Variants in PC observed in about 807,000 individuals in gnomAD.
PC encodes pyruvate carboxylase, mitochondrial.
PC carries 46 observed loss-of-function variants against 107.8 expected under a neutral mutation model. The observed-to-expected ratio is 0.43, with a 90% CI of 0.34 to 0.55. PC has a LOEUF of 0.55. Among genes scored for constraint, PC ranks in the 20% least tolerant of loss-of-function variants. The pLI is 0.04. For missense variants in PC, 1,241 were observed against 1,643.1 expected (o/e 0.76, Z 4.23); for synonymous variants, 662 against 684.7 (o/e 0.97, Z 0.52).
chr11:66,949,895 G>A (rs879616789), intron 3 of PC, among the ~76,000 whole-genome samples: 6 of 152,056 alleles, frequency 3.9e-5, no homozygotes, highest in Non-Finnish European at 7.3e-5. Context: ...TCCAGGGGTA[G>A]GAGTGGGTGT....
At chr11:66,922,553 TAA>T (rs1198835228) in intron 3 of PC, among the ~76,000 whole-genome samples, 16 of 84,362 alleles carry the variant, frequency 1.9e-4, no homozygotes, top group African/African-American at 2.7e-4. Flanking sequence ...GACTTTGTCT[TAA>T]AAAAAAAAAA....
At chr11:66,898,987 C>T (rs2136036329) in intron 3 of PC, among the ~76,000 whole-genome samples, 1 of 152,282 alleles carries the variant, frequency 6.6e-6, no homozygotes, top group African/African-American at 2.4e-5. Context: ...TCTCCTGCCT[C>T]AGCCTCCTGA....
intron 3 of PC, among the ~76,000 whole-genome samples, chr11:66,949,879 T>C (rs74444290): frequency 0.038 from 5,807 of 152,066 alleles, 355 homozygotes; most frequent in African/African-American, 0.13. Context: ...TTGCATTACA[T>C]AAAAATCCAG....
At position 66,893,872 on chromosome 11, in the gene PC, T is replaced by C. The variant is rs1348414723; in HGVS notation, c.1-21713A>G. 3.6e-5 allele frequency among the ~76,000 whole-genome samples: 5 copies of C among 138,050 alleles called. No individual in the cohort carries two copies. The Admixed American group carries it at 4.0e-4, about 11-fold the overall frequency. 90.6% of individuals were successfully genotyped at this position (138,050 alleles called of 152,430 possible). A position where few individuals can be genotyped will look rare whatever the true frequency, so the allele number is the denominator to read the frequency against. On this transcript the variant is annotated intron_variant, in intron 3 of 22. Transcript: ENST00000393960. The stretch of plus-strand genomic sequence containing the variant: ...TCCTCCTTCCTTCCTCACCACCCTC[T>C]CCCTGGTCACCAAGGGTTAAGCTTA...
chr11:66,929,150 C>A (rs182844122), intron 3 of PC, among the ~76,000 whole-genome samples: 1 of 152,078 alleles, frequency 6.6e-6, no homozygotes, highest in South Asian at 2.1e-4. Context: ...CATAAAGTAG[C>A]CTTCTGGGAC....
At chr11:66,943,984 A>G (rs1949224420) in intron 3 of PC, among the ~76,000 whole-genome samples, 1 of 148,750 alleles carries the variant, frequency 6.7e-6, no homozygotes, top group Non-Finnish European at 1.5e-5. Flanking sequence ...AAAAAAAAAA[A>G]AAGAAAAGAA....
intron 13 of PC, 121 bp downstream of exon 13, chr11:66,853,118 G>A: frequency 8.9e-7 from 1 of 1,126,688 alleles, no homozygotes; most frequent in South Asian, 1.5e-5. Context: ...AATGAGGGCA[G>A]GGGTGAGGGG....
intron 3 of PC, among the ~76,000 whole-genome samples, chr11:66,928,800 C>T (rs546401527): frequency 9.2e-5 from 14 of 152,214 alleles, no homozygotes; most frequent in African/African-American, 3.4e-4. Flanking sequence ...GCTGGGATTA[C>T]AAGCATGAGC....
intron 3 of PC, among the ~76,000 whole-genome samples, chr11:66,905,955 C>T (rs1438346028): frequency 1.3e-5 from 2 of 152,022 alleles, no homozygotes; most frequent in East Asian, 3.9e-4. Context: ...GAAACTGAGG[C>T]AGGAATGAAA....
chr11:66,933,728 C>T (rs1473558849), intron 3 of PC, among the ~76,000 whole-genome samples: 3 of 152,060 alleles, frequency 2.0e-5, no homozygotes, highest in Admixed American at 6.6e-5. Flanking sequence ...TGCATCATTC[C>T]GGAATGTCTG....
intron 3 of PC, among the ~76,000 whole-genome samples, chr11:66,904,644 C>A (rs1030605845): frequency 1.3e-5 from 2 of 152,118 alleles, no homozygotes; most frequent in Non-Finnish European, 1.5e-5. Flanking sequence ...TCTCAAAACA[C>A]ACACACACAC....
At chr11:66,854,319 C>T (rs1945679575) in intron 12 of PC, among the ~76,000 whole-genome samples, 1 of 152,246 alleles carries the variant, frequency 6.6e-6, no homozygotes, top group Non-Finnish European at 1.5e-5. Flanking sequence ...TTCGCCCTGT[C>T]CTCACACCCT....
chr11:66,917,790 T>C (rs755206186), intron 3 of PC, among the ~76,000 whole-genome samples: 5 of 152,168 alleles, frequency 3.3e-5, no homozygotes, highest in Admixed American at 6.5e-5. Context: ...TGGCCTGAAC[T>C]TGGGTTACCT....
chr11:66,892,784 C>A (rs889597118), intron 3 of PC, among the ~76,000 whole-genome samples: 1 of 151,658 alleles, frequency 6.6e-6, no homozygotes, highest in African/African-American at 2.4e-5. Flanking sequence ...GAACCCAGGA[C>A]GTGGAGGTTG....
intron 3 of PC, among the ~76,000 whole-genome samples, chr11:66,907,598 C>T (rs561699489): frequency 2.6e-5 from 4 of 152,326 alleles, no homozygotes; most frequent in Non-Finnish European, 5.9e-5. Context: ...TCAGCTTGCC[C>T]ATGCCTGACC....
chr11:66,911,596 A>G (rs746851097), intron 3 of PC, among the ~76,000 whole-genome samples: 3 of 152,118 alleles, frequency 2.0e-5, no homozygotes, highest in Non-Finnish European at 2.9e-5. Context: ...TAAAAAAGTA[A>G]TAATAAATAA....
At chr11:66,851,501 G>A (rs773787151) in intron 16 of PC, among the ~76,000 whole-genome samples, 8 of 152,198 alleles carry the variant, frequency 5.3e-5, no homozygotes, top group Non-Finnish European at 8.8e-5. Context: ...AGAGGGTACT[G>A]AGCAAGGAGT....
chr11:66,914,039 G>A (rs972948217), intron 3 of PC, among the ~76,000 whole-genome samples: 9 of 152,172 alleles, frequency 5.9e-5, no homozygotes, highest in South Asian at 2.1e-4. Flanking sequence ...GCCCAGGTAC[G>A]TCTCGTTTCC....
intron 3 of PC, among the ~76,000 whole-genome samples, chr11:66,927,026 C>T (rs1228005805): frequency 3.3e-5 from 5 of 149,356 alleles, no homozygotes; most frequent in South Asian, 2.2e-4. Context: ...GTTTTGCTCT[C>T]GTCGCCCAGG....
Sources: allele counts gnomAD v4.1 joint callset (sites outside exome capture counted in the v4.1 genomes callset), GRCh38; gene constraint gnomAD v4.1.1; transcripts MANE v1.5; gene names NCBI Gene and HGNC (gene_info 2026-07-23, HGNC 2026-07-21).